TOGARAM2: variants seen among roughly 807,000 people sequenced by gnomAD.
TOGARAM2 encodes TOG array regulator of axonemal microtubules 2.
Under a neutral mutation model 93.3 loss-of-function variants are expected in TOGARAM2, and 85 were observed. The observed-to-expected ratio is 0.91, with a 90% CI of 0.76 to 1.09. The LOEUF (loss-of-function observed/expected upper bound fraction) is 1.09. Ranked by LOEUF, TOGARAM2 falls within the 50% of genes least tolerant of loss-of-function variation. TOGARAM2 has a pLI of 0.00. For missense variants in TOGARAM2, 1,277 were observed against 1,334.5 expected (o/e 0.96, Z 0.67); for synonymous variants, 593 against 552.8 (o/e 1.07, Z -1.02).
chr2:29,037,858 T>C (rs1246709614), intron 18 of TOGARAM2, among the ~76,000 whole-genome samples: 1 of 152,228 alleles, frequency 6.6e-6, no homozygotes, highest in Non-Finnish European at 1.5e-5. Flanking sequence ...GTGAGATTGC[T>C]CTTGCCAATA....
At chr2:29,000,262 T>G (rs1232885376) in intron 4 of TOGARAM2, among the ~76,000 whole-genome samples, 3 of 152,186 alleles carry the variant, frequency 2.0e-5, no homozygotes, top group Non-Finnish European at 4.4e-5. Context: ...GTTGAGCAGA[T>G]GAACAAGGGA....
intron 14 of TOGARAM2, among the ~76,000 whole-genome samples, chr2:29,028,312 G>C (rs946243601): frequency 3.9e-5 from 6 of 152,116 alleles, no homozygotes; most frequent in African/African-American, 7.2e-5. Context: ...GCTCCCTGAG[G>C]GATGTAGTGC....
intron 14 of TOGARAM2, among the ~76,000 whole-genome samples, chr2:29,030,476 G>A (rs553515947): frequency 3.9e-5 from 6 of 152,086 alleles, no homozygotes; most frequent in Non-Finnish European, 7.4e-5. Context: ...AAAAAAGGAC[G>A]TAGAAGGTTT....
intron 16 of TOGARAM2, among the ~76,000 whole-genome samples, chr2:29,034,934 G>A (rs1665991758): frequency 1.3e-5 from 2 of 152,136 alleles, no homozygotes; most frequent in Admixed American, 1.3e-4. Context: ...GGTGGATCAT[G>A]AGGTCAGGAG....
chr2:29,027,249 T>C (rs1025745715), intron 14 of TOGARAM2, among the ~76,000 whole-genome samples: 1 of 152,204 alleles, frequency 6.6e-6, no homozygotes, highest in Non-Finnish European at 1.5e-5. Flanking sequence ...CTCTTACCCA[T>C]TGAGTGTTGC....
intron 6 of TOGARAM2, among the ~76,000 whole-genome samples, chr2:29,010,402 G>C (rs1664168794): frequency 6.6e-6 from 1 of 152,128 alleles, no homozygotes; most frequent in Non-Finnish European, 1.5e-5. Flanking sequence ...GCTGGGCCTG[G>C]CCCTGGGAGC....
At chr2:29,044,392 T>C (rs1195578940) in intron 18 of TOGARAM2, among the ~76,000 whole-genome samples, 3 of 152,066 alleles carry the variant, frequency 2.0e-5, no homozygotes, top group Admixed American at 1.3e-4. Flanking sequence ...ATATAAACCA[T>C]TGATGATAAT....
intron 1 of TOGARAM2, among the ~76,000 whole-genome samples, 156 bp downstream of exon 1, chr2:28,981,694 G>A (rs1672200297): frequency 6.6e-6 from 1 of 152,268 alleles, no homozygotes; most frequent in Non-Finnish European, 1.5e-5. Context: ...TGACTTGGAG[G>A]CTGTGTGACC....
Position 29,027,193 on chromosome 2 carries a change from G to A in TOGARAM2, c.2012+182G>A, listed in dbSNP as rs116758914. ...TTCCATCAAGCCAAGCCCATTCAGG[G>A]AGGGGTCCTTACTCCCTGCCTCCAC... On this transcript the variant is annotated intron_variant, in intron 14 of 19. Coordinates refer to ENST00000379558, the MANE Select transcript of TOGARAM2 (RefSeq NM_199280.4). Among the ~76,000 whole-genome samples the A allele has an allele frequency of 7.8e-3, 1,193 of 152,280 alleles. 22 individuals carry two copies. The highest frequency in any genetic ancestry group is 0.027 in the African/African-American group (1,135 of 41,554).
chr2:29,005,497 G>C (rs1295605752), intron 6 of TOGARAM2, among the ~76,000 whole-genome samples: 2 of 100,202 alleles, frequency 2.0e-5, no homozygotes, highest in Non-Finnish European at 4.6e-5. Flanking sequence ...ATGTGTGTGA[G>C]TGCATGTGTT....
rs193111777 is a variant in TOGARAM2, at chr2:29,014,671, G to A, written c.1044+110G>A. The A allele has an allele frequency of 7.9e-6, 11 of 1,392,840 alleles. No individual in the cohort carries two copies. In the East Asian group the frequency reaches 2.5e-4, roughly 32 times the overall value. The allele number at this position is 1,392,840 out of a possible 1,614,324, so 86.3% of individuals were successfully genotyped here. ...AGAGTGGGACCAGCCACAGAGCAGA[G>A]CAAGGAGAGCCCGAGGCAGCCACCC... On this transcript the variant is annotated intron_variant, in intron 8 of 19. Coordinates refer to ENST00000379558, the MANE Select transcript of TOGARAM2 (RefSeq NM_199280.4).
intron 1 of TOGARAM2, among the ~76,000 whole-genome samples, chr2:28,971,290 C>G (rs1004544276): frequency 1.3e-5 from 2 of 152,056 alleles, no homozygotes; most frequent in African/African-American, 4.8e-5. Context: ...CAGCTCACTG[C>G]AGCCTCAACC....
chr2:29,027,172 A>G (rs1052966568), intron 14 of TOGARAM2, among the ~76,000 whole-genome samples, 161 bp downstream of exon 14: 7 of 152,154 alleles, frequency 4.6e-5, no homozygotes, highest in African/African-American at 1.4e-4. Context: ...CATCCCTTCC[A>G]TCAAGCCAAG....
intron 18 of TOGARAM2, among the ~76,000 whole-genome samples, chr2:29,038,974 A>C (rs1476490393): frequency 2.0e-5 from 3 of 152,166 alleles, no homozygotes; most frequent in African/African-American, 7.2e-5. Context: ...CTAGGGTAGA[A>C]TCTGCCTCTG....
chr2:29,027,383 C>A (rs1665467814), intron 14 of TOGARAM2, among the ~76,000 whole-genome samples: 1 of 152,050 alleles, frequency 6.6e-6, no homozygotes, highest in African/African-American at 2.4e-5. Context: ...AAAATGAAGT[C>A]CCTATTGTAT....
chr2:29,045,476 T>G (rs1460928186), intron 19 of TOGARAM2, 66 bp downstream of exon 19: 44 of 1,286,322 alleles, frequency 3.4e-5, no homozygotes, highest in Non-Finnish European at 4.4e-5. Context: ...TGGTCTGTGG[T>G]TGAACCATTC....
chr2:28,965,105 G>A (rs556510754), intron 1 of TOGARAM2, among the ~76,000 whole-genome samples: 25 of 152,124 alleles, frequency 1.6e-4, no homozygotes, highest in African/African-American at 5.5e-4. Context: ...CATTCCCACC[G>A]ACAGTGTAAA....
chr2:28,990,120 A>C (rs892265922), intron 1 of TOGARAM2, among the ~76,000 whole-genome samples: 1 of 152,154 alleles, frequency 6.6e-6, no homozygotes, highest in African/African-American at 2.4e-5. Flanking sequence ...GATTGGAAGC[A>C]TGGGTAGCTG....
intron 13 of TOGARAM2, among the ~76,000 whole-genome samples, chr2:29,024,592 G>T (rs12622784): frequency 0.04 from 6,041 of 152,246 alleles, 164 homozygotes; most frequent in East Asian, 0.11. Context: ...CACAGCAGGT[G>T]CTTCCCACTT....
Sources: gnomAD v4.1 joint callset for allele counts (sites outside exome capture counted in the v4.1 genomes callset) on GRCh38, gnomAD v4.1.1 for gene constraint, MANE v1.5 for transcripts, NCBI Gene and HGNC (gene_info 2026-07-23, HGNC 2026-07-21) for gene names.